The following USH2A variants were observed in gnomAD, a reference collection of about 807,000 sequenced individuals.
The protein encoded by USH2A is usherin.
A neutral mutation model predicts 538.9 loss-of-function variants in USH2A; 443 were observed. The observed-to-expected ratio is 0.82, with a 90% CI of 0.76 to 0.89. The LOEUF (loss-of-function observed/expected upper bound fraction) is 0.89. Ranked by LOEUF, USH2A falls within the 40% of genes least tolerant of loss-of-function variation. The pLI is 0.00. For synonymous variants in USH2A, 2,413 were observed against 2,273.5 expected (o/e 1.06, Z -1.75); for missense variants, 6,633 against 6,324.8 (o/e 1.05, Z -1.65).
At chr1:216,104,416 A>G (rs1571964105) in intron 21 of USH2A, among the ~76,000 whole-genome samples, 1 of 152,156 alleles carries the variant, frequency 6.6e-6, no homozygotes, top group Admixed American at 6.5e-5. Context: ...TTATGGCTGC[A>G]TAGTATTTCA....
chr1:216,292,099 T>C (rs925387728), intron 10 of USH2A, 76 bp downstream of exon 10: 2 of 1,473,748 alleles, frequency 1.4e-6, no homozygotes, highest in African/African-American at 1.4e-5. Context: ...AGCAATAACA[T>C]AATTTAAAAT....
At position 216,257,026 on chromosome 1, in the gene USH2A, A is replaced by G. The variant is rs1409841319; in HGVS notation, c.1972-5928T>C. Among the ~76,000 whole-genome samples the G allele has an allele frequency of 2.0e-5, 3 of 151,992 alleles. No homozygotes were observed. In the East Asian group the frequency reaches 5.8e-4, roughly 29 times the overall value. On this transcript the variant is annotated intron_variant, in intron 11 of 71. Transcript: ENST00000307340. ...ACACATGTTATAAAACTTTTACTAT[A>G]TTATTATTATTTTTTAAACTGTCAA...
Position 215,846,060 on chromosome 1 carries a change from T to A in USH2A, c.8846-27A>T, listed in dbSNP as rs768772440. On this transcript the variant is annotated intron_variant, in intron 44 of 71. Coordinates refer to ENST00000307340, the MANE Select transcript of USH2A (RefSeq NM_206933.4). ...TGTCAACAATAAATGCAGGACATGG[T>A]GAATGTAGCTGAGGCTTTCAGGGGA... 3.7e-6 allele frequency: 6 copies of A among 1,606,114 alleles called. No homozygotes were observed. In the African/African-American group the frequency reaches 6.7e-5, roughly 18 times the overall value.
rs2037392273 is a variant in USH2A at position 216,310,125 on chromosome 1, G to A, written c.1644+11758C>T. ...CTCTCTCTTTTAATTGGTATATTTA[G>A]ACCATTGACACTCAAAGTAGTTACT... On this transcript the variant is annotated intron_variant, in intron 9 of 71. Coordinates refer to ENST00000307340, the MANE Select transcript of USH2A (RefSeq NM_206933.4). Among the ~76,000 whole-genome samples the A allele has an allele frequency of 2.0e-5, 3 of 152,054 alleles. No individual in the cohort carries two copies. In the South Asian group the frequency reaches 6.2e-4, roughly 32 times the overall value.
chr1:216,073,703 G>A (rs1251578041), intron 27 of USH2A, among the ~76,000 whole-genome samples: 15 of 152,272 alleles, frequency 9.9e-5, no homozygotes. Flanking sequence ...AGTTTTAAGT[G>A]CCAAAAAATA....
chr1:216,130,178 G>A (rs879381057), intron 21 of USH2A, among the ~76,000 whole-genome samples: 7 of 151,726 alleles, frequency 4.6e-5, no homozygotes, highest in East Asian at 1.9e-4. Flanking sequence ...TTATTTCCAC[G>A]GGTTACTGGG....
In USH2A at chr1:216,196,704, G is replaced by A. The variant is rs2034854003; in HGVS notation, c.4100C>T (p.Pro1367Leu). 3 of 1,613,070 alleles carry A rather than the reference G, an allele frequency of 1.9e-6. No homozygotes were observed. The highest frequency in any genetic ancestry group is 3.3e-4 in the Middle Eastern group (2 of 6,052). The stretch of plus-strand genomic sequence containing the variant: ...CGAAGAGAGGGGAAAGACTGAAGGA[G>A]GGATCATGAATACAGGTGCTATCAA... ...TGESAPVFMIPPSVFPLSSYS... is the reference protein window; with the variant it reads ...TGESAPVFMILPSVFPLSSYS... The change falls in exon 19 of 72, where the codon CCT becomes CTT. Residue 1367 changes from proline (P) to leucine (L), a missense_variant. Pro to Leu is a moderately conservative substitution (Grantham distance 98). Transcript: ENST00000307340.
intron 50 of USH2A, among the ~76,000 whole-genome samples, chr1:215,795,120 G>A (rs549473014): frequency 7.2e-5 from 11 of 152,242 alleles, no homozygotes; most frequent in Admixed American, 2.0e-4. Context: ...TTCCCTGAGT[G>A]CTAAATAATG....
intron 32 of USH2A, among the ~76,000 whole-genome samples, chr1:216,022,065 A>T: frequency 6.6e-6 from 1 of 151,934 alleles, no homozygotes; most frequent in East Asian, 1.9e-4. Flanking sequence ...TCTCATCATG[A>T]TATATCTGCT....
At chr1:216,292,921 G>C (rs2037030389) in intron 9 of USH2A, among the ~76,000 whole-genome samples, 1 of 151,978 alleles carries the variant, frequency 6.6e-6, no homozygotes, top group Non-Finnish European at 1.5e-5. Flanking sequence ...TTAAAAACTT[G>C]GAGAAGTTGT....
intron 38 of USH2A, among the ~76,000 whole-genome samples, chr1:215,932,511 C>T (rs1346994105): frequency 1.3e-5 from 2 of 151,964 alleles, no homozygotes; most frequent in Non-Finnish European, 2.9e-5. Context: ...GAGGTATCAC[C>T]TTTAAACTGC....
chr1:215,973,418 A>C (rs905645534), intron 35 of USH2A, among the ~76,000 whole-genome samples: 1 of 152,176 alleles, frequency 6.6e-6, no homozygotes, highest in Non-Finnish European at 1.5e-5. Flanking sequence ...TCTCACACAG[A>C]ATATAATGAA....
intron 30 of USH2A, among the ~76,000 whole-genome samples, chr1:216,054,461 C>CA (rs137934450): frequency 0.029 from 4,433 of 152,202 alleles, 85 homozygotes; most frequent in South Asian, 0.064. Context: ...TGAGAAGCAG[C>CA]AAAACAACAG....
At chr1:216,316,100 C>T (rs760249045) in intron 9 of USH2A, among the ~76,000 whole-genome samples, 15 of 151,736 alleles carry the variant, frequency 9.9e-5, no homozygotes, top group Non-Finnish European at 1.9e-4. Flanking sequence ...ATTGCCAGTA[C>T]AATACAAAAA....
chr1:215,727,836 C>G (rs1297179728), intron 61 of USH2A, among the ~76,000 whole-genome samples, 194 bp downstream of exon 61: 1 of 152,144 alleles, frequency 6.6e-6, no homozygotes, highest in African/African-American at 2.4e-5. Flanking sequence ...TCGTGGTCTA[C>G]AAACTGGTCT....
chr1:216,245,524 G>A (rs1409233501), intron 13 of USH2A, among the ~76,000 whole-genome samples: 5 of 128,140 alleles, frequency 3.9e-5, no homozygotes, highest in Non-Finnish European at 6.5e-5. Context: ...AGAGACAAAT[G>A]AATATGTATC....
intron 32 of USH2A, among the ~76,000 whole-genome samples, chr1:216,039,993 T>A (rs999044797): frequency 1.1e-4 from 16 of 151,224 alleles, no homozygotes; most frequent in Non-Finnish European, 2.2e-4. Context: ...TCCTCCCTCT[T>A]TCCCCCTGCC....
intron 44 of USH2A, among the ~76,000 whole-genome samples, chr1:215,856,451 T>C (rs188455244): frequency 0.011 from 1,672 of 152,164 alleles, 10 homozygotes; most frequent in Non-Finnish European, 0.017. Context: ...TGAAAAATAC[T>C]CAACATCACT....
chr1:215,941,393 T>C (rs1246679348), intron 37 of USH2A, among the ~76,000 whole-genome samples: 1 of 152,114 alleles, frequency 6.6e-6, no homozygotes, highest in Non-Finnish European at 1.5e-5. Context: ...AGAAGTATGG[T>C]CTATTTTTAC....
Sources: gnomAD v4.1 joint callset for allele counts (sites outside exome capture counted in the v4.1 genomes callset) on GRCh38, gnomAD v4.1.1 for gene constraint, MANE v1.5 for transcripts, NCBI Gene and HGNC (gene_info 2026-07-23, HGNC 2026-07-21) for gene names.